The following MEF2C variants were observed in gnomAD, a reference collection of about 807,000 sequenced individuals.
The protein encoded by MEF2C is myocyte-specific enhancer factor 2C.
In MEF2C, 6 loss-of-function variants were observed where a neutral mutation model predicts 50.5. The observed-to-expected ratio is 0.12, with a 90% confidence interval of 0.07 to 0.23. The LOEUF (loss-of-function observed/expected upper bound fraction) is 0.23, where lower values mean the gene tolerates loss of function less well. MEF2C is among the 10% of genes least tolerant of loss of function. The pLI is 1.00. For missense variants in MEF2C, 276 were observed against 605.0 expected (o/e 0.46, Z 5.70); for synonymous variants, 183 against 228.0 (o/e 0.80, Z 1.78).
chr5:88,774,475 A>T (rs528891936), intron 3 of MEF2C, among the ~76,000 whole-genome samples: 1 of 151,882 alleles, frequency 6.6e-6, no homozygotes, highest in East Asian at 2.0e-4. Flanking sequence ...GGCGCCCGCC[A>T]CCACGCCAGG....
intron 1 of MEF2C, among the ~76,000 whole-genome samples, chr5:88,862,396 C>T: frequency 6.6e-6 from 1 of 152,094 alleles, no homozygotes. Context: ...TTCTACGTGT[C>T]TTATAAGATC....
chr5:88,833,593 C>T (rs1394080052), intron 1 of MEF2C, among the ~76,000 whole-genome samples: 2 of 151,994 alleles, frequency 1.3e-5, no homozygotes, highest in Non-Finnish European at 2.9e-5. Flanking sequence ...TGCAATTGAA[C>T]CTCATCAAAG....
chr5:88,875,751 A>G (rs946966268), intron 1 of MEF2C, among the ~76,000 whole-genome samples: 7 of 151,990 alleles, frequency 4.6e-5, no homozygotes, highest in Non-Finnish European at 8.8e-5. Flanking sequence ...TCCCAGGAAG[A>G]AGGCCCTCTG....
At chr5:88,839,080 A>C (rs1581420662) in intron 1 of MEF2C, among the ~76,000 whole-genome samples, 1 of 152,270 alleles carries the variant, frequency 6.6e-6, no homozygotes, top group Admixed American at 6.5e-5. Context: ...GTTTTTTCAC[A>C]ATGTATTGTG....
chr5:88,790,765 T>C (rs1024172820), intron 3 of MEF2C, among the ~76,000 whole-genome samples: 2 of 152,206 alleles, frequency 1.3e-5, no homozygotes, highest in East Asian at 1.9e-4. Context: ...CTAATGATCA[T>C]CAGTAAGTTG....
chr5:88,746,616 C>G, intron 6 of MEF2C: 2 of 985,296 alleles, frequency 2.0e-6, no homozygotes, highest in Non-Finnish European at 2.4e-6. Flanking sequence ...GGCCTTTTTG[C>G]TTTGGTTTTC....
intron 1 of MEF2C, among the ~76,000 whole-genome samples, chr5:88,848,703 A>G (rs244753): frequency 0.42 from 63,112 of 151,932 alleles, 14,852 homozygotes; most frequent in African/African-American, 0.64. Flanking sequence ...TACAAATTCC[A>G]TTTGCCTATG....
chr5:88,730,148 T>TACC, intron 8 of MEF2C, 63 bp downstream of exon 8: 1 of 1,528,496 alleles, frequency 6.5e-7, no homozygotes, highest in Non-Finnish European at 8.9e-7. Flanking sequence ...TTATCAAAGC[T>TACC]ACCACCTCTA....
chr5:88,851,529 G>A (rs1343705437), intron 1 of MEF2C, among the ~76,000 whole-genome samples: 1 of 152,064 alleles, frequency 6.6e-6, no homozygotes, highest in Non-Finnish European at 1.5e-5. Context: ...CAATCAACCT[G>A]TACAAGTATT....
chr5:88,751,353 T>C (rs1561818148), intron 5 of MEF2C: 2 of 985,466 alleles, frequency 2.0e-6, no homozygotes, highest in Non-Finnish European at 2.4e-6. Flanking sequence ...GTCTTACAAA[T>C]GATGCTATCT....
intron 1 of MEF2C, among the ~76,000 whole-genome samples, chr5:88,870,470 A>T (rs1010223997): frequency 3.3e-5 from 5 of 152,092 alleles, no homozygotes; most frequent in Non-Finnish European, 7.4e-5. Flanking sequence ...GATTGTGTGC[A>T]TCTGCTGGGA....
At chr5:88,903,150 C>A (rs1835831109) in intron 1 of MEF2C, among the ~76,000 whole-genome samples, 1 of 151,776 alleles carries the variant, frequency 6.6e-6, no homozygotes, top group African/African-American at 2.4e-5. Flanking sequence ...TTTGCCTAAA[C>A]TTTTGAATTA....
intron 3 of MEF2C, among the ~76,000 whole-genome samples, chr5:88,782,889 T>C (rs953615278): frequency 6.6e-6 from 1 of 152,242 alleles, no homozygotes; most frequent in Non-Finnish European, 1.5e-5. Flanking sequence ...GAGTGCTTGA[T>C]TTCCCTGTCT....
At chr5:88,845,293 A>G (rs1460141375) in intron 1 of MEF2C, among the ~76,000 whole-genome samples, 1 of 152,194 alleles carries the variant, frequency 6.6e-6, no homozygotes, top group Non-Finnish European at 1.5e-5. Context: ...CAGGAAGGAA[A>G]AGTTTTTAAA....
intron 8 of MEF2C, chr5:88,729,581 A>T (rs1760517295): frequency 4.1e-6 from 2 of 484,808 alleles, no homozygotes; most frequent in Non-Finnish European, 7.4e-6. Flanking sequence ...CTGAACTAGT[A>T]ACAAGTACCA....
At chr5:88,799,546 C>CA (rs1797404145) in intron 3 of MEF2C, among the ~76,000 whole-genome samples, 1 of 152,178 alleles carries the variant, frequency 6.6e-6, no homozygotes, top group East Asian at 1.9e-4. Context: ...TGCTTTTCAA[C>CA]AAAAATTGTA....
At chr5:88,732,907 T>A in intron 6 of MEF2C, 1 of 190,368 alleles carries the variant, frequency 5.3e-6, no homozygotes, top group Non-Finnish European at 9.7e-6. Context: ...TTAAACCTCA[T>A]TGTTATTGCC....
intron 1 of MEF2C, among the ~76,000 whole-genome samples, chr5:88,874,995 T>C (rs771290978): frequency 1.6e-4 from 24 of 151,970 alleles, no homozygotes; most frequent in Non-Finnish European, 3.2e-4. Flanking sequence ...ATTCTACTGA[T>C]TGAAAGGAGC....
At chr5:88,795,485 C>A (rs932565086) in intron 3 of MEF2C, among the ~76,000 whole-genome samples, 2 of 152,056 alleles carry the variant, frequency 1.3e-5, no homozygotes, top group Non-Finnish European at 2.9e-5. Flanking sequence ...TTTGCACATT[C>A]ATTTTGTATC....
Sources: gnomAD v4.1 joint callset for allele counts (sites outside exome capture counted in the v4.1 genomes callset) on GRCh38, gnomAD v4.1.1 for gene constraint, MANE v1.5 for transcripts, NCBI Gene and HGNC (gene_info 2026-07-23, HGNC 2026-07-21) for gene names.